The following ZNF420 variants were observed in gnomAD, a reference collection of about 807,000 sequenced individuals.
ZNF420 encodes the protein ATM and p53-associated KZNF protein.
ZNF420 carries 31 observed loss-of-function variants against 44.7 expected under a neutral mutation model. The ratio of observed to expected loss-of-function variants is 0.69; its 90% confidence interval spans 0.52 to 0.94. ZNF420 has a LOEUF of 0.94. Among genes scored for constraint, ZNF420 ranks in the 40% least tolerant of loss-of-function variants. The pLI is 0.00. For missense variants in ZNF420, 681 were observed against 827.9 expected (o/e 0.82, Z 2.18); for synonymous variants, 245 against 267.4 (o/e 0.92, Z 0.82).
chr19:37,095,207 A>G (rs994385212), intron 4 of ZNF420, among the ~76,000 whole-genome samples: 1 of 151,860 alleles, frequency 6.6e-6, no homozygotes, highest in Non-Finnish European at 1.5e-5. Context: ...ATTGCCGGTG[A>G]ATTTAAATAC....
At chr19:37,109,241 G>A (rs1418115846) in intron 4 of ZNF420, 1 of 152,258 alleles carries the variant, frequency 6.6e-6, no homozygotes, top group Non-Finnish European at 1.5e-5. Context: ...GTGATCATCT[G>A]TGGGGCCAGG....
chr19:37,012,320 C>T (rs1335978467), intron 1 of ZNF420, among the ~76,000 whole-genome samples: 24 of 152,246 alleles, frequency 1.6e-4, no homozygotes, highest in Non-Finnish European at 1.5e-5. Context: ...GCGAGTCGGC[C>T]TAGCTAATGC....
At chr19:37,027,609 G>A (rs906634487) in intron 1 of ZNF420, among the ~76,000 whole-genome samples, 16 of 152,116 alleles carry the variant, frequency 1.1e-4, no homozygotes, top group Non-Finnish European at 2.2e-4. Context: ...GGCAACCACT[G>A]AACTTTTTAT....
chr19:37,012,500 G>T (rs565227847), intron 1 of ZNF420, among the ~76,000 whole-genome samples: 1 of 152,362 alleles, frequency 6.6e-6, no homozygotes, highest in South Asian at 2.1e-4. Context: ...GTCTGCGGAT[G>T]CCAAGAGTGG....
rs1427944908 is a variant in ZNF420 at position 37,127,366 on chromosome 19, C to T, written c.375C>T (p.Tyr125=). The T allele has an allele frequency of 1.2e-6, 2 of 1,612,894 alleles. No individual in the cohort carries two copies. The highest frequency in any genetic ancestry group is 2.2e-5 in the East Asian group (1 of 44,840). Residue 125 remains tyrosine (Y), a synonymous_variant, in exon 5 of 5, where the codon TAC becomes TAT. Coordinates refer to ENST00000337995, the MANE Select transcript of ZNF420 (RefSeq NM_144689.5). ...DKMSIFNQHT[Y]LSQHSRCHST... Reference sequence around the variant, plus strand: ...TGTCCATTTTCAACCAGCATACTTACTTATCTCAACATTCAAGATGTCATT... The same window carrying T: ...TGTCCATTTTCAACCAGCATACTTATTTATCTCAACATTCAAGATGTCATT...
At chr19:37,102,611 G>A (rs530287638) in intron 4 of ZNF420, among the ~76,000 whole-genome samples, 3 of 152,312 alleles carry the variant, frequency 2.0e-5, no homozygotes, top group South Asian at 2.1e-4. Context: ...AGCCACCTGC[G>A]TGCCAGTCTG....
In ZNF420 at chr19:37,128,011, T is replaced by C; in HGVS notation, c.1020T>C (p.Cys340=). Residue 340 remains cysteine (C), a synonymous_variant, in exon 5 of 5, where the codon TGT becomes TGC. Coordinates refer to ENST00000337995, the MANE Select transcript of ZNF420 (RefSeq NM_144689.5). ...NGEKPYECKE[C]GRAFIRGSLL... Reference sequence around the variant, plus strand: ...AAAAACCATATGAATGTAAGGAATGTGGAAGGGCCTTTATTCGGGGCTCAC... The same window carrying C: ...AAAAACCATATGAATGTAAGGAATGCGGAAGGGCCTTTATTCGGGGCTCAC... 1.9e-6 allele frequency: 3 copies of C among 1,613,832 alleles called. No individual in the cohort carries two copies. The highest frequency in any genetic ancestry group is 2.5e-6 in the Non-Finnish European group (3 of 1,179,930).
At chr19:37,111,563 G>A (rs1970387674) in intron 4 of ZNF420, 1 of 152,196 alleles carries the variant, frequency 6.6e-6, no homozygotes, top group Non-Finnish European at 1.5e-5. Flanking sequence ...TTGCAGAAAT[G>A]TGTAACAGTC....
chr19:37,118,098 A>G (rs1313731174), intron 4 of ZNF420, among the ~76,000 whole-genome samples: 2 of 152,218 alleles, frequency 1.3e-5, no homozygotes, highest in African/African-American at 2.4e-5. Flanking sequence ...GCAGGCCACC[A>G]TTCAGATTCA....
intron 1 of ZNF420, among the ~76,000 whole-genome samples, chr19:37,010,365 C>A (rs909723224): frequency 6.6e-6 from 1 of 152,102 alleles, no homozygotes; most frequent in Non-Finnish European, 1.5e-5. Context: ...AAAGTCATGC[C>A]CCCCGTGATC....
At chr19:37,019,094 AAG>A (rs1275963800) in intron 1 of ZNF420, among the ~76,000 whole-genome samples, 1 of 152,220 alleles carries the variant, frequency 6.6e-6, no homozygotes, top group Non-Finnish European at 1.5e-5. Context: ...CACAGAATGA[AAG>A]AAAATATTTA....
intron 1 of ZNF420, among the ~76,000 whole-genome samples, chr19:37,061,075 G>C (rs1400180029): frequency 6.6e-6 from 1 of 152,130 alleles, no homozygotes; most frequent in South Asian, 2.1e-4. Context: ...GGCATCGATG[G>C]AAAGGTCACC....
Position 37,089,024 on chromosome 19 carries a change from C to CTT in ZNF420, c.-80-13_-80-12dup, listed in dbSNP as rs754205397. 4.2e-5 allele frequency: 47 copies of CTT among 1,114,062 alleles called. No homozygotes were observed. Among genetic ancestry groups the CTT allele is most frequent in the Non-Finnish European group, 6.1e-5 (44 of 725,166 alleles). 69.0% of individuals were successfully genotyped at this position (1,114,062 alleles called of 1,614,324 possible). On this transcript the variant is annotated splice_polypyrimidine_tract_variant and intron_variant, in intron 2 of 4. Coordinates refer to ENST00000337995, the MANE Select transcript of ZNF420 (RefSeq NM_144689.5). Reference sequence around the variant, plus strand: ...CAAAACACCTGGTCTCATGGTTCTGCTTTCTCCTCCGTAGCTCTGCATTCT... The same window carrying CTT: ...CAAAACACCTGGTCTCATGGTTCTGCTTTTTCTCCTCCGTAGCTCTGCATTCT...
At chr19:37,075,525 G>A (rs890712914), upstream of ZNF420, among the ~76,000 whole-genome samples, 6 of 152,078 alleles carry the variant, frequency 3.9e-5, no homozygotes, top group Non-Finnish European at 7.4e-5. Flanking sequence ...GGCAAATCAC[G>A]AGGTCAGGAG....
intron 4 of ZNF420, among the ~76,000 whole-genome samples, chr19:37,119,165 A>G (rs1277051205): frequency 3.3e-5 from 5 of 151,460 alleles, no homozygotes; most frequent in Non-Finnish European, 5.9e-5. Context: ...AACAGAATAT[A>G]CATTTTTTTT....
intron 1 of ZNF420, among the ~76,000 whole-genome samples, chr19:37,008,725 G>A (rs8107192): frequency 0.33 from 49,528 of 152,060 alleles, 8,299 homozygotes; most frequent in Non-Finnish European, 0.35. Context: ...ACTCCTCCCC[G>A]GGTGCCCGTT....
chr19:37,063,864 A>G (rs1365867291), intron 1 of ZNF420, among the ~76,000 whole-genome samples: 1 of 152,226 alleles, frequency 6.6e-6, no homozygotes, highest in Non-Finnish European at 1.5e-5. Context: ...TTAACTGGAT[A>G]GCATGAAAGG....
chr19:37,087,645 C>CT (rs1228168978), intron 2 of ZNF420, among the ~76,000 whole-genome samples: 1 of 151,922 alleles, frequency 6.6e-6, no homozygotes, highest in African/African-American at 2.4e-5. Flanking sequence ...AGACTTCTAG[C>CT]TTTTTTGTTT....
At position 37,128,835 on chromosome 19, in the gene ZNF420, A is replaced by G; in HGVS notation, c.1844A>G (p.Tyr615Cys). ...AGAATCCATACTGGTGAGAAGCCCT[A>G]TGAATGCAGAGAATGTAGAAAGGCC... ...HQRIHTGEKPYECRECRKAFT... is the reference protein window; with the variant it reads ...HQRIHTGEKPCECRECRKAFT... The change falls in exon 5 of 5, where the codon TAT (tyrosine) becomes TGT (cysteine). Residue 615 changes from tyrosine to cysteine, a missense_variant. This residue lies in a region of ZNF420 where 280 missense variants were observed against 338.6 expected (regional missense o/e 0.83). Coordinates refer to ENST00000337995, the MANE Select transcript of ZNF420 (RefSeq NM_144689.5). 1 of 1,614,010 alleles carries G rather than the reference A, an allele frequency of 6.2e-7. No homozygotes were observed. Among genetic ancestry groups the G allele is most frequent in the Non-Finnish European group, 8.5e-7 (1 of 1,179,982 alleles).
Sources: allele counts gnomAD v4.1 joint callset (sites outside exome capture counted in the v4.1 genomes callset), GRCh38; gene constraint gnomAD v4.1.1; regional missense constraint gnomAD v4.1.1; transcripts MANE v1.5; gene names NCBI Gene and HGNC (gene_info 2026-07-23, HGNC 2026-07-21).